OCA2: variants seen among roughly 807,000 people sequenced by gnomAD.
The protein encoded by OCA2 is P protein.
In OCA2, 77 loss-of-function variants were observed where a neutral mutation model predicts 100.2. The ratio of observed to expected loss-of-function variants is 0.77; its 90% CI spans 0.64 to 0.93. OCA2 has a LOEUF of 0.93. Among genes scored for constraint, OCA2 ranks in the 40% least tolerant of loss-of-function variants. The pLI is 0.00. For synonymous variants in OCA2, 432 were observed against 439.2 expected (o/e 0.98, Z 0.21); for missense variants, 1,062 against 1,089.1 (o/e 0.98, Z 0.35).
At chr15:28,026,956 A>G (rs1340712796) in intron 4 of OCA2, among the ~76,000 whole-genome samples, 5 of 152,230 alleles carry the variant, frequency 3.3e-5, no homozygotes, top group African/African-American at 9.6e-5. Context: ...ATCGCGTGAC[A>G]GGGTACCGTC....
rs561453667 is a variant in OCA2, at chr15:27,840,799, T to C, written c.2432+4160A>G. 2.0e-5 allele frequency among the ~76,000 whole-genome samples: 3 copies of C among 152,250 alleles called. No individual in the cohort carries two copies. In the East Asian group the frequency reaches 5.8e-4, roughly 29 times the overall value. The stretch of plus-strand genomic sequence containing the variant: ...ATGGAACATGAACGTAAATGTAACA[T>C]GTAAATCAGTAAAACCTGGGAGAAA... On this transcript the variant is annotated intron_variant, in intron 23 of 23. Transcript: ENST00000354638.
chr15:27,922,568 T>C (rs529264700), intron 19 of OCA2, among the ~76,000 whole-genome samples: 25 of 152,340 alleles, frequency 1.6e-4, no homozygotes, highest in South Asian at 2.1e-4. Flanking sequence ...CTTTGATACA[T>C]TTTAACTTTT....
At chr15:27,884,246 C>T (rs1238500755) in intron 19 of OCA2, among the ~76,000 whole-genome samples, 1 of 152,114 alleles carries the variant, frequency 6.6e-6, no homozygotes, top group Admixed American at 6.5e-5. Context: ...GACATGGTGG[C>T]GCAAGCCTGT....
chr15:27,762,531 CCA>C (rs1420799028), intron 23 of OCA2, among the ~76,000 whole-genome samples: 1 of 152,188 alleles, frequency 6.6e-6, no homozygotes, highest in African/African-American at 2.4e-5. Context: ...ACTGAAATCC[CCA>C]CCCAGGGAGG....
chr15:27,769,057 C>T (rs1266083494), intron 23 of OCA2, among the ~76,000 whole-genome samples: 1 of 152,210 alleles, frequency 6.6e-6, no homozygotes, highest in Non-Finnish European at 1.5e-5. Flanking sequence ...TCACCGGGAG[C>T]CTCCATTTCC....
intron 23 of OCA2, among the ~76,000 whole-genome samples, chr15:27,792,191 C>A (rs533205153): frequency 2.6e-4 from 40 of 152,206 alleles, no homozygotes; most frequent in African/African-American, 9.6e-4. Flanking sequence ...AGAGGAGGGA[C>A]CATCTTCTCC....
intron 14 of OCA2, among the ~76,000 whole-genome samples, chr15:27,969,256 G>C (rs1168285815): frequency 6.6e-6 from 1 of 152,106 alleles, no homozygotes; most frequent in African/African-American, 2.4e-5. Context: ...AGGAGGTCCT[G>C]GGTGTGCGTC....
chr15:27,836,148 G>A (rs1206851996), intron 23 of OCA2, among the ~76,000 whole-genome samples: 1 of 152,150 alleles, frequency 6.6e-6, no homozygotes, highest in African/African-American at 2.4e-5. Context: ...CTGATTAGAA[G>A]GGTTCAATAT....
intron 21 of OCA2, among the ~76,000 whole-genome samples, chr15:27,866,614 A>AG (rs1375263384): frequency 2.0e-5 from 3 of 152,192 alleles, no homozygotes; most frequent in African/African-American, 7.2e-5. Flanking sequence ...TGGAATTCCC[A>AG]GACAGCTGCA....
chr15:27,978,316 T>C (rs2041034578), intron 14 of OCA2, among the ~76,000 whole-genome samples: 1 of 152,222 alleles, frequency 6.6e-6, no homozygotes. Context: ...TCATGTTAGT[T>C]AACAATAATG....
the OCA2 span, among the ~76,000 whole-genome samples, chr15:27,747,539 G>C: frequency 6.6e-6 from 1 of 152,140 alleles, no homozygotes; most frequent in African/African-American, 2.4e-5. Context: ...GGCCGGCCTG[G>C]AACTGACTGA....
At chr15:27,814,951 G>GATAT (rs71414518) in intron 23 of OCA2, among the ~76,000 whole-genome samples, 15 of 148,754 alleles carry the variant, frequency 1.0e-4, no homozygotes, top group African/African-American at 3.7e-4. Context: ...TAGATACAGA[G>GATAT]ATATATATAT....
chr15:28,022,359 T>A, intron 6 of OCA2, 142 bp downstream of exon 6: 1 of 698,962 alleles, frequency 1.4e-6, no homozygotes, highest in African/African-American at 1.8e-5. Context: ...CCATCTCTCA[T>A]CAGACATCCT....
intron 16 of OCA2, among the ~76,000 whole-genome samples, chr15:27,956,810 G>A (rs972675568): frequency 6.6e-6 from 1 of 152,222 alleles, no homozygotes; most frequent in Non-Finnish European, 1.5e-5. Flanking sequence ...GTGACTGCCT[G>A]TGAATCCTCC....
At chr15:27,836,124 C>A (rs1406458132) in intron 23 of OCA2, among the ~76,000 whole-genome samples, 1 of 152,170 alleles carries the variant, frequency 6.6e-6, no homozygotes, top group Non-Finnish European at 1.5e-5. Flanking sequence ...TCATTGTAAC[C>A]TTTCTCAGGG....
chr15:27,876,209 A>G (rs139524804), intron 19 of OCA2, among the ~76,000 whole-genome samples: 1,769 of 152,192 alleles, frequency 0.012, 27 homozygotes, highest in African/African-American at 0.036. Context: ...CTTTTTCTGC[A>G]TTTATTGAAA....
chr15:28,076,313 A>T (rs2044424394), intron 2 of OCA2, among the ~76,000 whole-genome samples: 2 of 152,204 alleles, frequency 1.3e-5, no homozygotes, highest in Non-Finnish European at 2.9e-5. Context: ...ACAGATGTAA[A>T]CGCTGCCTTA....
the OCA2 span, among the ~76,000 whole-genome samples, chr15:27,736,043 A>G: frequency 6.6e-6 from 1 of 152,246 alleles, no homozygotes; most frequent in African/African-American, 2.4e-5. Context: ...AGTGAGGTTT[A>G]GTCAATCCAC....
chr15:27,913,826 GAAAGAAAGAAAGGAAAGAAAGAAA>G (rs2038499381), intron 19 of OCA2, among the ~76,000 whole-genome samples: 3 of 63,394 alleles, frequency 4.7e-5, no homozygotes, highest in Non-Finnish European at 8.9e-5. Flanking sequence ...GAGAAAGAAA[GAAAGAAAGAAAGGAAAGAAAGAAA>G]GAAAGAAAGA....
Sources: allele counts gnomAD v4.1 joint callset (sites outside exome capture counted in the v4.1 genomes callset), GRCh38; gene constraint gnomAD v4.1.1; transcripts MANE v1.5; gene names NCBI Gene and HGNC (gene_info 2026-07-23, HGNC 2026-07-21).